SP100: variants seen among roughly 807,000 people sequenced by gnomAD.
SP100 encodes nuclear autoantigen Sp-100.
A neutral mutation model predicts 130.0 loss-of-function variants in SP100; 84 were observed. That is an observed-to-expected ratio of 0.65 (90% CI 0.54 to 0.77). The LOEUF is 0.77. SP100 is among the 30% of genes least tolerant of loss of function. The pLI is 0.00. For missense variants in SP100, 978 were observed against 1,052.2 expected, an observed-to-expected ratio of 0.93 and a Z score of 0.97; for synonymous variants, 331 against 351.7, an observed-to-expected ratio of 0.94 and a Z score of 0.66.
chr2:230,422,591 C>T (rs776063614), intron 2 of SP100, among the ~76,000 whole-genome samples: 3 of 152,174 alleles, frequency 2.0e-5, no homozygotes, highest in Admixed American at 6.5e-5. Context: ...AAATTAGCTA[C>T]CATATATGCC....
chr2:230,508,309 T>TA, intron 23 of SP100: 5 of 267,522 alleles, frequency 1.9e-5, no homozygotes, highest in Admixed American at 6.7e-5. Flanking sequence ...CTAAATGCCA[T>TA]ACTTTTTTTT....
intron 8 of SP100, among the ~76,000 whole-genome samples, chr2:230,450,887 A>G (rs1218790721): frequency 1.3e-5 from 2 of 152,186 alleles, no homozygotes; most frequent in African/African-American, 4.8e-5. Flanking sequence ...TCACCCACTG[A>G]TGGGTACTTA....
chr2:230,504,089 A>T (rs1349962771), intron 20 of SP100, 97 bp from the exon 21 acceptor site: 1 of 654,638 alleles, frequency 1.5e-6, no homozygotes, highest in African/African-American at 1.8e-5. Flanking sequence ...CCTCCAATAC[A>T]TTTTGAATTA....
intron 10 of SP100, 121 bp downstream of exon 10, chr2:230,462,639 C>A: frequency 2.7e-6 from 2 of 734,040 alleles, no homozygotes; most frequent in East Asian, 5.2e-5. Context: ...CCTGGGATCC[C>A]ATTCTTTGCA....
intron 2 of SP100, among the ~76,000 whole-genome samples, chr2:230,436,526 C>T (rs2063272639): frequency 6.6e-6 from 1 of 152,150 alleles, no homozygotes; most frequent in South Asian, 2.1e-4. Context: ...TTCCTGCTGC[C>T]TTGTGAAGAA....
intron 24 of SP100, among the ~76,000 whole-genome samples, chr2:230,527,090 C>A (rs1691465329): frequency 2.0e-5 from 3 of 152,060 alleles, no homozygotes; most frequent in African/African-American, 7.2e-5. Flanking sequence ...CAAAAATACT[C>A]CTTGAGAAGA....
At chr2:230,462,217 A>G (rs972232185) in intron 9 of SP100, among the ~76,000 whole-genome samples, 4 of 152,178 alleles carry the variant, frequency 2.6e-5, no homozygotes, top group African/African-American at 9.7e-5. Context: ...GAACAGTGTC[A>G]GTGGATGGGC....
intron 17 of SP100, among the ~76,000 whole-genome samples, chr2:230,485,850 TTTATA>T (rs2066056413): frequency 6.6e-6 from 1 of 152,182 alleles, no homozygotes; most frequent in Non-Finnish European, 1.5e-5. Flanking sequence ...GTCACATTGG[TTTATA>T]TTATATGTTC....
At chr2:230,497,518 A>G (rs367977416) in intron 18 of SP100, among the ~76,000 whole-genome samples, 2 of 26,330 alleles carry the variant, frequency 7.6e-5, no homozygotes, top group Non-Finnish European at 1.7e-4. Context: ...AGAGGAGAGG[A>G]GAGGAGAGGA....
chr2:230,471,871 G>T (rs1023787044), intron 15 of SP100, among the ~76,000 whole-genome samples: 1 of 152,136 alleles, frequency 6.6e-6, no homozygotes, highest in Admixed American at 6.5e-5. Context: ...CCAGGTAGGG[G>T]AATTTTGTGG....
chr2:230,423,655 T>C, intron 2 of SP100, among the ~76,000 whole-genome samples: 1 of 152,244 alleles, frequency 6.6e-6, no homozygotes, highest in East Asian at 1.9e-4. Context: ...AGGCCATGAA[T>C]GTTCATCTCT....
At chr2:230,424,865 A>G (rs1267330835) in intron 2 of SP100, among the ~76,000 whole-genome samples, 4 of 152,148 alleles carry the variant, frequency 2.6e-5, no homozygotes, top group African/African-American at 4.8e-5. Context: ...TGTAGCCCCT[A>G]TTTGAAAACT....
chr2:230,512,994 G>A (rs537514957), intron 24 of SP100, among the ~76,000 whole-genome samples: 1 of 152,354 alleles, frequency 6.6e-6, no homozygotes, highest in African/African-American at 2.4e-5. Context: ...TGATCTGACA[G>A]GAGGTGGAGC....
intron 24 of SP100, among the ~76,000 whole-genome samples, chr2:230,528,760 C>T (rs1485769039): frequency 6.6e-6 from 1 of 152,146 alleles, no homozygotes; most frequent in Non-Finnish European, 1.5e-5. Flanking sequence ...CCACAGATCC[C>T]ACAGAAATAC....
intron 18 of SP100, among the ~76,000 whole-genome samples, chr2:230,497,493 A>AGGG (rs2066739417): frequency 1.1e-4 from 2 of 18,810 alleles, no homozygotes; most frequent in South Asian, 3.0e-3. Flanking sequence ...GGAGGGGAGG[A>AGGG]GAGGAGAGGA....
chr2:230,500,930 T>A (rs1229311299), intron 19 of SP100, among the ~76,000 whole-genome samples: 3 of 152,128 alleles, frequency 2.0e-5, no homozygotes, highest in Non-Finnish European at 2.9e-5. Context: ...TTCTTCCACA[T>A]TTTACGTGTT....
chr2:230,471,034 G>A (rs564504568), intron 15 of SP100, among the ~76,000 whole-genome samples: 20 of 151,954 alleles, frequency 1.3e-4, no homozygotes, highest in East Asian at 3.9e-4. Context: ...AATAAAAATC[G>A]CAAACAGACA....
At chr2:230,514,540 C>T (rs1690793886) in intron 24 of SP100, among the ~76,000 whole-genome samples, 1 of 152,148 alleles carries the variant, frequency 6.6e-6, no homozygotes, top group African/African-American at 2.4e-5. Flanking sequence ...CTATAATTTT[C>T]TTCTGAAAGA....
At chr2:230,537,389 TTC>T (rs1335906830) in intron 24 of SP100, among the ~76,000 whole-genome samples, 3 of 152,134 alleles carry the variant, frequency 2.0e-5, no homozygotes, top group African/African-American at 7.2e-5. Flanking sequence ...TCCACACTGT[TTC>T]TGTTTCTTTG....
Sources: gnomAD v4.1 joint callset for allele counts (sites outside exome capture counted in the v4.1 genomes callset) on GRCh38, gnomAD v4.1.1 for gene constraint, MANE v1.5 for transcripts, NCBI Gene and HGNC (gene_info 2026-07-23, HGNC 2026-07-21) for gene names.